TACC2: variants seen among roughly 807,000 people sequenced by gnomAD.
TACC2 encodes transforming acidic coiled-coil-containing protein 2.
A neutral mutation model predicts 227.3 loss-of-function variants in TACC2; 137 were observed. The observed-to-expected ratio is 0.60, with a 90% CI of 0.52 to 0.69. The LOEUF (loss-of-function observed/expected upper bound fraction) is 0.69, where lower values mean the gene tolerates loss of function less well. Ranked by LOEUF, TACC2 falls within the 30% of genes least tolerant of loss-of-function variation. The pLI, the probability that TACC2 is intolerant of heterozygous loss-of-function variation, is 0.00. For synonymous variants in TACC2, 1,523 were observed against 1,487.5 expected (o/e 1.02, Z -0.55); for missense variants, 3,470 against 3,694.4 (o/e 0.94, Z 1.57).
chr10:122,005,641 C>G (rs891306788), intron 1 of TACC2, among the ~76,000 whole-genome samples: 2 of 151,094 alleles, frequency 1.3e-5, no homozygotes, highest in African/African-American at 4.9e-5. Flanking sequence ...ACCTCGGCCT[C>G]CCAAAGTGCT....
rs1473497381 is a variant in TACC2, at chr10:122,085,617, C to T, written c.3117C>T (p.Asn1039=). 2 of 1,613,382 alleles carry T rather than the reference C, an allele frequency of 1.2e-6. No individual in the cohort carries two copies. Among genetic ancestry groups the T allele is most frequent in the South Asian group, 2.2e-5 (2 of 91,086 alleles). ...GLSKREMASG[N]TGEAPPCQPD... ...GTAAGAGGGAGATGGCAAGTGGAAA[C>T]ACAGGGGAGGCCCCACCTTGTCAGC... is the stretch of plus-strand genomic sequence containing the variant. The change falls in exon 4 of 23, where the codon AAC becomes AAT. Residue 1039 remains asparagine, a synonymous_variant. Coordinates refer to ENST00000369005, the MANE Select transcript of TACC2 (RefSeq NM_206862.4).
At chr10:122,073,293 G>T (rs2078362740) in intron 3 of TACC2, among the ~76,000 whole-genome samples, 1 of 151,684 alleles carries the variant, frequency 6.6e-6, no homozygotes, top group Admixed American at 6.6e-5. Context: ...GGGAGCAGGG[G>T]GTCTCACCAT....
chr10:122,133,553 G>A (rs768507713), intron 6 of TACC2, among the ~76,000 whole-genome samples: 1 of 152,050 alleles, frequency 6.6e-6, no homozygotes, highest in Non-Finnish European at 1.5e-5. Flanking sequence ...GAATACACGC[G>A]TGCACACATT....
chr10:122,050,679 T>A lies in TACC2; in HGVS notation c.146+129T>A. The A allele has an allele frequency of 1.5e-6, 1 of 688,390 alleles. No homozygotes were observed. Among genetic ancestry groups the A allele is most frequent in the Non-Finnish European group, 2.5e-6 (1 of 398,950 alleles). The allele number at this position is 688,390 out of a possible 1,614,324, so 42.6% of individuals were successfully genotyped here. ...AGACACATGGTATCGTCCTCAGTGG[T>A]GAGATGTTCCAAGCAGTGGTTCACA... On this transcript the variant is annotated intron_variant, in intron 3 of 22. Coordinates refer to ENST00000369005, the MANE Select transcript of TACC2 (RefSeq NM_206862.4). This position sits in a 1 kb window ranked among gnomAD's most constrained non-coding sequence, Gnocchi z 4.6.
chr10:122,234,122 C>G (rs551304048), intron 16 of TACC2, among the ~76,000 whole-genome samples: 9 of 152,332 alleles, frequency 5.9e-5, no homozygotes, highest in African/African-American at 1.9e-4. Context: ...GGTGCTCTCC[C>G]CAGAATTGGC....
At chr10:122,176,073 TTCTCTCTCTCTCTC>T (rs55655832) in intron 7 of TACC2, among the ~76,000 whole-genome samples, 1,769 of 92,602 alleles carry the variant, frequency 0.019, 25 homozygotes, top group East Asian at 0.059. Flanking sequence ...GAGCAAAACC[TTCTCTCTCTCTCTC>T]TCTCTCTCTC....
rs145660103 is a variant in TACC2, at chr10:122,142,539, T to G, written c.5700-1033T>G. On this transcript the variant is annotated intron_variant, in intron 6 of 22. Coordinates refer to ENST00000369005, the MANE Select transcript of TACC2 (RefSeq NM_206862.4). ...AGGGTGCTAGCCTGTCAGGTGGACC[T>G]CGAAGAGATGGAGTGAGCAGACATA... Among the ~76,000 whole-genome samples the G allele has an allele frequency of 2.0e-5, 3 of 152,294 alleles. No individual in the cohort carries two copies. The East Asian group carries it at 5.8e-4, about 29-fold the overall frequency.
intron 3 of TACC2, among the ~76,000 whole-genome samples, chr10:122,074,991 G>C (rs3981241): frequency 0.05 from 7,654 of 152,080 alleles, 234 homozygotes; most frequent in African/African-American, 0.083. Flanking sequence ...AGGAAATAGA[G>C]CACTTTGGAC....
chr10:122,237,411 C>T lies in TACC2; in HGVS notation c.8144C>T (p.Pro2715Leu). ...HQDAKREAAH[P>L]TDVSISKTAL... ...ATTCCACAGAGAGAGGCTGCTCACC[C>T]AACAGACGTCTCCATCTCCAAAACA... The change falls in exon 17 of 23, where the codon CCA (proline) becomes CTA (leucine). Residue 2715 changes from proline (P) to leucine (L), a missense_variant. Pro to Leu is a moderately conservative substitution (Grantham distance 98, BLOSUM62 -3). Around this residue, in one of 10 missense-constraint regions of TACC2, gnomAD observed 345 missense variants for 354.4 expected, o/e 0.97. Transcript: ENST00000369005. 6.2e-7 allele frequency: 1 copy of T among 1,613,490 alleles called. No individual in the cohort carries two copies. Among genetic ancestry groups the T allele is most frequent in the South Asian group, 1.1e-5 (1 of 90,948 alleles).
At chr10:122,128,706 A>G (rs985146591) in intron 5 of TACC2, among the ~76,000 whole-genome samples, 2 of 152,252 alleles carry the variant, frequency 1.3e-5, no homozygotes, top group African/African-American at 4.8e-5. Flanking sequence ...TATGGTTTCT[A>G]ATTTATTTTA....
chr10:122,036,448 C>T (rs1960397506), intron 2 of TACC2, among the ~76,000 whole-genome samples: 1 of 150,576 alleles, frequency 6.6e-6, no homozygotes, highest in African/African-American at 2.4e-5. Context: ...CCACCTTGGC[C>T]TCGCAAAGTG....
chr10:122,230,256 A>G (rs1159501132), intron 15 of TACC2, 95 bp from the exon 16 acceptor site: 19 of 1,041,352 alleles, frequency 1.8e-5, no homozygotes, highest in Non-Finnish European at 2.3e-5. Flanking sequence ...CTGTCATGAC[A>G]CATTTTCGTG....
At chr10:122,212,361 A>G (rs2095312546) in intron 9 of TACC2, among the ~76,000 whole-genome samples, 2 of 152,214 alleles carry the variant, frequency 1.3e-5, no homozygotes, top group Admixed American at 6.5e-5. Context: ...AATCCCCACA[A>G]TCCCCAGGAA....
rs1383487943 is a variant in TACC2, at chr10:122,073,126, A to AAAAAT, written c.147-9520_147-9519insAAATA. Reference sequence around the variant, plus strand: ...TGTCTCAAAAAAAAAAAAAAAAAAAAATATATATATATATATATATATATA... The same window carrying AAAAAT: ...TGTCTCAAAAAAAAAAAAAAAAAAAAAAAATATATATATATATATATATATATATA... On this transcript the variant is annotated intron_variant, in intron 3 of 22. Transcript: ENST00000369005. Among the ~76,000 whole-genome samples the AAAAAT allele has an allele frequency of 7.1e-3, 506 of 70,904 alleles. 6 individuals are homozygous for AAAAAT. The highest frequency in any genetic ancestry group is 0.015 in the Admixed American group (74 of 4,998). The allele number at this position is 70,904 out of a possible 152,430, so 46.5% of individuals were successfully genotyped here.
At chr10:122,192,579 T>TA (rs1037458197) in intron 7 of TACC2, 2 of 411,766 alleles carry the variant, frequency 4.9e-6, no homozygotes, top group African/African-American at 4.1e-5. Flanking sequence ...GTGGTGCAGC[T>TA]AACTTTTTTG....
chr10:122,189,262 C>G (rs372597096), intron 7 of TACC2, among the ~76,000 whole-genome samples: 2 of 152,252 alleles, frequency 1.3e-5, no homozygotes, highest in East Asian at 3.9e-4. Context: ...ATCTAGCATG[C>G]GCAGTTTCAA....
At chr10:122,120,928 C>G (rs1388257800) in intron 5 of TACC2, among the ~76,000 whole-genome samples, 1 of 152,124 alleles carries the variant, frequency 6.6e-6, no homozygotes, top group African/African-American at 2.4e-5. Context: ...CCATGCCCAG[C>G]TAATTTTTGC....
intron 3 of TACC2, among the ~76,000 whole-genome samples, chr10:122,059,944 T>G (rs184418658): frequency 7.8e-6 from 1 of 127,396 alleles, no homozygotes; most frequent in African/African-American, 2.7e-5. Context: ...CCTAGTGATG[T>G]GTGTTTTAAC....
At chr10:122,100,125 G>T (rs192489565) in intron 5 of TACC2, among the ~76,000 whole-genome samples, 2 of 152,070 alleles carry the variant, frequency 1.3e-5, no homozygotes, top group African/African-American at 4.8e-5. Context: ...TTAGCCAAGC[G>T]TGGTGGCGTG....
Sources: gnomAD v4.1 joint callset for allele counts (sites outside exome capture counted in the v4.1 genomes callset) on GRCh38, gnomAD v4.1.1 for gene constraint, gnomAD v4.1.1 regional missense constraint, Gnocchi (gnomAD v3.1) non-coding constraint, MANE v1.5 for transcripts, NCBI Gene and HGNC (gene_info 2026-07-23, HGNC 2026-07-21) for gene names.